FRMPD4: variants seen among roughly 807,000 people sequenced by gnomAD.
The protein encoded by FRMPD4 is FERM and PDZ domain containing 4, also known as FERM and PDZ domain-containing protein 4.
A neutral mutation model predicts 94.1 loss-of-function variants in FRMPD4; 22 were observed. The ratio of observed to expected loss-of-function variants is 0.23; its 90% CI spans 0.17 to 0.33. The LOEUF is 0.33. FRMPD4 is among the 10% of genes least tolerant of loss of function. The probability of loss-of-function intolerance (pLI) is 1.00; values close to 1 mark genes in which losing one functional copy is unlikely to be tolerated. For missense variants in FRMPD4, 1,111 were observed against 1,339.9 expected (o/e 0.83, Z 2.67); for synonymous variants, 631 against 548.6 (o/e 1.15, Z -2.10).
At chrX:12,709,541 C>T (rs2041943783) in intron 13 of FRMPD4, among the ~76,000 whole-genome samples, 1 of 111,463 alleles carries the variant, frequency 9.0e-6, no homozygotes, top group Non-Finnish European at 1.9e-5. Context: ...GTTTTACCCT[C>T]CTGTAAATTT....
At chrX:12,537,688 G>A (rs12851052) in intron 2 of FRMPD4, among the ~76,000 whole-genome samples, 1 of 108,729 alleles carries the variant, frequency 9.2e-6, no homozygotes, top group East Asian at 2.9e-4. Flanking sequence ...CTGGGTTCAA[G>A]CAATTCCCCG....
intron 2 of FRMPD4, among the ~76,000 whole-genome samples, chrX:12,595,845 C>T (rs1424464255): frequency 1.8e-5 from 2 of 112,064 alleles, no homozygotes; most frequent in Non-Finnish European, 3.8e-5. Flanking sequence ...CACAAGATGA[C>T]GGTACATCAC....
chrX:12,698,959 C>T (rs1410011714), intron 9 of FRMPD4, among the ~76,000 whole-genome samples: 2 of 111,973 alleles, frequency 1.8e-5, no homozygotes, highest in Non-Finnish European at 3.8e-5. Context: ...ATGCCATGTT[C>T]GAGGTCATTT....
At chrX:12,458,311 T>TG (rs2057355927) in intron 1 of FRMPD4, among the ~76,000 whole-genome samples, 1 of 111,984 alleles carries the variant, frequency 8.9e-6, no homozygotes, top group Non-Finnish European at 1.9e-5. Flanking sequence ...TAACCATGAG[T>TG]ACTACTATGA....
chrX:12,136,096 G>A (rs2055593514), upstream of FRMPD4, among the ~76,000 whole-genome samples: 1 of 111,737 alleles, frequency 8.9e-6, no homozygotes, highest in African/African-American at 3.3e-5. Context: ...GAAAGAGACA[G>A]ATGTAAGCCA....
At chrX:12,157,134 C>A in intron 1 of FRMPD4, among the ~76,000 whole-genome samples, 1 of 112,076 alleles carries the variant, frequency 8.9e-6, no homozygotes, top group East Asian at 2.8e-4. Context: ...CCCACATGCA[C>A]AATTAAAACA....
At chrX:12,408,404 A>C (rs908917041) in intron 1 of FRMPD4, among the ~76,000 whole-genome samples, 3 of 111,123 alleles carry the variant, frequency 2.7e-5, no homozygotes, top group African/African-American at 9.8e-5. Flanking sequence ...ATTAAATGCC[A>C]AAAGACACTG....
chrX:12,084,151 T>C (rs149874699), intron 3 of FRMPD4, among the ~76,000 whole-genome samples: 1,957 of 87,560 alleles, frequency 0.022, 60 homozygotes, highest in African/African-American at 0.078. Flanking sequence ...CTCCCAAAAT[T>C]CTCATGTGTT....
At chrX:12,282,457 T>C (rs949396199) in intron 1 of FRMPD4, among the ~76,000 whole-genome samples, 11 of 112,727 alleles carry the variant, frequency 9.8e-5, no homozygotes, top group Non-Finnish European at 2.1e-4. Context: ...AAATATAATT[T>C]TAATTTCTTT....
chrX:12,039,518 A>G (rs2054739957), intron 3 of FRMPD4, among the ~76,000 whole-genome samples: 1 of 111,071 alleles, frequency 9.0e-6, no homozygotes, highest in Non-Finnish European at 1.9e-5. Flanking sequence ...CATTTAGAAA[A>G]TTATTGTTTA....
intron 4 of FRMPD4, among the ~76,000 whole-genome samples, chrX:12,635,660 T>G (rs1004282401): frequency 9.9e-5 from 11 of 111,136 alleles, no homozygotes; most frequent in Non-Finnish European, 1.9e-4. Flanking sequence ...GTGAGCCCCA[T>G]GTGGATTTTC....
intron 3 of FRMPD4, among the ~76,000 whole-genome samples, chrX:12,044,377 AAATGAGT>A (rs1305623260): frequency 8.9e-6 from 1 of 112,234 alleles, no homozygotes; most frequent in African/African-American, 3.2e-5. Context: ...AATAATCTTT[AAATGAGT>A]GATTTGCTGG....
At chrX:12,584,258 T>A (rs2058899829) in intron 2 of FRMPD4, among the ~76,000 whole-genome samples, 1 of 112,188 alleles carries the variant, frequency 8.9e-6, no homozygotes, top group Non-Finnish European at 1.9e-5. Context: ...TTTGGAGCGA[T>A]GCACTGGATT....
chrX:11,849,396 T>C (rs143138165), intron 1 of FRMPD4, among the ~76,000 whole-genome samples: 41 of 111,732 alleles, frequency 3.7e-4, no homozygotes, highest in Middle Eastern at 4.6e-3. Context: ...CCAATAGCAT[T>C]TTTTGAAAAA....
chrX:12,541,044 G>C (rs2058404700), intron 2 of FRMPD4, among the ~76,000 whole-genome samples: 1 of 111,865 alleles, frequency 8.9e-6, no homozygotes, highest in Non-Finnish European at 1.9e-5. Flanking sequence ...AAACCAATGA[G>C]AACAAAGACA....
intron 1 of FRMPD4, among the ~76,000 whole-genome samples, chrX:11,856,959 T>C (rs1010801724): frequency 1.8e-5 from 2 of 111,258 alleles, no homozygotes; most frequent in Admixed American, 9.5e-5. Context: ...CATTCACAAA[T>C]ACCACAAAAA....
At chrX:12,225,583 T>C (rs1353167912) in intron 1 of FRMPD4, among the ~76,000 whole-genome samples, 1 of 111,998 alleles carries the variant, frequency 8.9e-6, no homozygotes, top group Non-Finnish European at 1.9e-5. Flanking sequence ...TTTATTTCCC[T>C]AGCTTAACCG....
At chrX:12,701,235 G>C (rs140921147) in intron 9 of FRMPD4, among the ~76,000 whole-genome samples, 17,919 of 109,058 alleles carry the variant, frequency 0.16, 1,381 homozygotes, top group African/African-American at 0.27. Flanking sequence ...ACCATGCCCA[G>C]CTAATTTTTG....
intron 1 of FRMPD4, among the ~76,000 whole-genome samples, chrX:12,332,118 TTATATTTTA>T (rs1449370774): frequency 2.5e-4 from 16 of 64,896 alleles, no homozygotes; most frequent in East Asian, 4.2e-4. Context: ...TATATATAAT[TTATATTTTA>T]TATATTATAT....
Sources: gnomAD v4.1 joint callset for allele counts (sites outside exome capture counted in the v4.1 genomes callset) on GRCh38, gnomAD v4.1.1 for gene constraint, MANE v1.5 for transcripts, NCBI Gene and HGNC (gene_info 2026-07-23, HGNC 2026-07-21) for gene names.